Variants in ITFG1 observed in about 807,000 individuals in gnomAD.
The protein encoded by ITFG1 is integrin alpha FG-GAP repeat containing 1, also known as T-cell immunomodulatory protein.
A neutral mutation model predicts 81.8 loss-of-function variants in ITFG1; 34 were observed. The ratio of observed to expected loss-of-function variants is 0.42; its 90% CI spans 0.32 to 0.55. The LOEUF is 0.55. ITFG1 is among the 20% of genes least tolerant of loss of function. The probability of loss-of-function intolerance (pLI) is 0.17; values close to 1 mark genes in which losing one functional copy is unlikely to be tolerated. For synonymous variants in ITFG1, 285 were observed against 270.6 expected (o/e 1.05, Z -0.52); for missense variants, 672 against 755.4 (o/e 0.89, Z 1.29).
intron 8 of ITFG1, among the ~76,000 whole-genome samples, chr16:47,314,956 G>GA (rs902814393): frequency 1.2e-4 from 18 of 149,370 alleles, no homozygotes; most frequent in African/African-American, 2.9e-4. Context: ...TATTCAAAAG[G>GA]AAAAAAAAAG....
chr16:47,325,187 A>C (rs958956564), intron 8 of ITFG1, among the ~76,000 whole-genome samples: 7 of 152,184 alleles, frequency 4.6e-5, no homozygotes, highest in African/African-American at 1.7e-4. Context: ...ACTCACTCAA[A>C]ACCGCTCAAC....
chr16:47,256,998 C>T (rs1966146033), intron 12 of ITFG1, among the ~76,000 whole-genome samples: 1 of 152,186 alleles, frequency 6.6e-6, no homozygotes, highest in African/African-American at 2.4e-5. Context: ...TAGGGAGAAC[C>T]TCTTTAATAT....
At chr16:47,172,078 A>G (rs1347144918) in intron 14 of ITFG1, among the ~76,000 whole-genome samples, 3 of 152,032 alleles carry the variant, frequency 2.0e-5, no homozygotes, top group African/African-American at 7.3e-5. Context: ...TCCCAAATGT[A>G]TAATTCCAGC....
At chr16:47,287,172 T>C (rs957559177) in intron 10 of ITFG1, among the ~76,000 whole-genome samples, 4 of 152,308 alleles carry the variant, frequency 2.6e-5, no homozygotes, top group African/African-American at 9.6e-5. Context: ...CTGTACACCA[T>C]ACAGAGAAAT....
At chr16:47,431,424 C>T (rs957166890) in intron 5 of ITFG1, among the ~76,000 whole-genome samples, 1 of 152,138 alleles carries the variant, frequency 6.6e-6, no homozygotes, top group Non-Finnish European at 1.5e-5. Context: ...AATCTAATGC[C>T]TGATGATCTG....
intron 14 of ITFG1, among the ~76,000 whole-genome samples, chr16:47,182,756 G>T (rs1445110960): frequency 2.0e-5 from 3 of 152,208 alleles, no homozygotes; most frequent in Non-Finnish European, 4.4e-5. Flanking sequence ...TGCTTTGTAG[G>T]TGGGAGGAGC....
intron 13 of ITFG1, among the ~76,000 whole-genome samples, chr16:47,219,244 G>C (rs1356779945): frequency 6.6e-6 from 1 of 152,100 alleles, no homozygotes; most frequent in African/African-American, 2.4e-5. Flanking sequence ...CAAATATTCT[G>C]TTGAATATAG....
chr16:47,404,568 C>T (rs1003883431), intron 6 of ITFG1, among the ~76,000 whole-genome samples: 1 of 152,164 alleles, frequency 6.6e-6, no homozygotes, highest in Non-Finnish European at 1.5e-5. Context: ...TTTCTTCCTC[C>T]TCTACAAAGG....
intron 8 of ITFG1, among the ~76,000 whole-genome samples, chr16:47,356,180 A>G (rs1465410294): frequency 6.6e-6 from 1 of 152,186 alleles, no homozygotes; most frequent in Non-Finnish European, 1.5e-5. Flanking sequence ...ACCACATTCT[A>G]TAATGTGGCT....
intron 14 of ITFG1, among the ~76,000 whole-genome samples, chr16:47,207,369 C>T (rs534032463): frequency 2.0e-5 from 3 of 152,322 alleles, no homozygotes; most frequent in African/African-American, 7.2e-5. Context: ...CAGGCGTGAG[C>T]CACCGCGCCC....
intron 10 of ITFG1, among the ~76,000 whole-genome samples, chr16:47,306,100 T>C (rs1172418590): frequency 6.6e-6 from 1 of 152,098 alleles, no homozygotes; most frequent in Non-Finnish European, 1.5e-5. Flanking sequence ...CAGTAGTTCA[T>C]TAAAGGTAAA....
intron 2 of ITFG1, among the ~76,000 whole-genome samples, chr16:47,456,683 C>A (rs1299125956): frequency 7.0e-6 from 1 of 143,576 alleles, no homozygotes; most frequent in Non-Finnish European, 1.5e-5. Context: ...CAGAGTGAGA[C>A]TCTGTCTCTA....
At chr16:47,297,884 A>G (rs1448800448) in intron 10 of ITFG1, among the ~76,000 whole-genome samples, 2 of 152,194 alleles carry the variant, frequency 1.3e-5, no homozygotes, top group African/African-American at 4.8e-5. Context: ...ATCTTTTGCA[A>G]GACTAGGGAA....
At chr16:47,409,362 CAT>C (rs1482724488) in intron 6 of ITFG1, among the ~76,000 whole-genome samples, 2 of 108,754 alleles carry the variant, frequency 1.8e-5, no homozygotes, top group African/African-American at 7.1e-5. Context: ...TAACAAGACA[CAT>C]ACACACACAC....
intron 14 of ITFG1, among the ~76,000 whole-genome samples, chr16:47,188,056 C>A (rs1346559006): frequency 6.6e-6 from 1 of 152,034 alleles, no homozygotes; most frequent in Middle Eastern, 3.4e-3. Flanking sequence ...ATCAAAACCA[C>A]AGTGAGATAC....
At chr16:47,372,600 T>A (rs1968271586) in intron 7 of ITFG1, among the ~76,000 whole-genome samples, 1 of 151,976 alleles carries the variant, frequency 6.6e-6, no homozygotes, top group Non-Finnish European at 1.5e-5. Context: ...ACTACAGGCA[T>A]GTGCCACCAC....
intron 14 of ITFG1, among the ~76,000 whole-genome samples, chr16:47,184,785 C>A (rs1266704504): frequency 2.0e-5 from 3 of 151,902 alleles, no homozygotes; most frequent in Non-Finnish European, 4.4e-5. Flanking sequence ...ACAATATTAA[C>A]TTTAAATGTA....
chr16:47,221,295 G>C (rs184110176), intron 13 of ITFG1, among the ~76,000 whole-genome samples: 18 of 152,204 alleles, frequency 1.2e-4, no homozygotes, highest in South Asian at 6.2e-4. Flanking sequence ...TAGCATGAAG[G>C]GTTGTTGAAT....
chr16:47,435,905 A>C (rs1411497364), intron 5 of ITFG1, among the ~76,000 whole-genome samples: 1 of 152,134 alleles, frequency 6.6e-6, no homozygotes, highest in Non-Finnish European at 1.5e-5. Context: ...ATCTATTATA[A>C]TTATTAAAAT....
Sources: allele counts gnomAD v4.1 joint callset (sites outside exome capture counted in the v4.1 genomes callset), GRCh38; gene constraint gnomAD v4.1.1; transcripts MANE v1.5; gene names NCBI Gene and HGNC (gene_info 2026-07-23, HGNC 2026-07-21).